The following AKAP13 variants were observed in gnomAD, a reference collection of about 807,000 sequenced individuals.
AKAP13 encodes the protein A-kinase anchoring protein 13, also known as A-kinase anchor protein 13.
Under a neutral mutation model 264.5 loss-of-function variants are expected in AKAP13, and 80 were observed. The observed-to-expected ratio is 0.30, with a 90% CI of 0.25 to 0.36. The LOEUF is 0.36. Ranked by LOEUF, AKAP13 falls within the 10% of genes least tolerant of loss-of-function variation. AKAP13 has a pLI of 1.00. For synonymous variants in AKAP13, 1,380 were observed against 1,250.2 expected, an observed-to-expected ratio of 1.10 and a Z score of -2.19; for missense variants, 3,712 against 3,435.2, an observed-to-expected ratio of 1.08 and a Z score of -2.01.
At chr15:85,521,184 T>G (rs1356795800) in intron 2 of AKAP13, among the ~76,000 whole-genome samples, 1 of 152,236 alleles carries the variant, frequency 6.6e-6, no homozygotes, top group Admixed American at 6.5e-5. Flanking sequence ...TCTAATGACC[T>G]CCACTAAAAT....
rs35591622 is a variant in AKAP13 at position 85,425,715 on chromosome 15, C to CAA, written c.-12+44934_-12+44935dup. ...TGGGCGACAGAGTGAGACTCTGTCT[C>CAA]AAAAAAAAAAAAAAAAAAGAACTTA... On this transcript the variant is annotated intron_variant, in intron 1 of 36. Transcript: ENST00000394518. Among the ~76,000 whole-genome samples the CAA allele has an allele frequency of 3.1e-3, 284 of 92,572 alleles. 1 individual carries two copies. Among genetic ancestry groups the CAA allele is most frequent in the Admixed American group, 5.9e-3 (49 of 8,276 alleles). 60.7% of individuals were successfully genotyped at this position (92,572 alleles called of 152,430 possible). A position where few individuals can be genotyped will look rare whatever the true frequency, so the allele number is the denominator to read the frequency against.
intron 4 of AKAP13, among the ~76,000 whole-genome samples, chr15:85,540,340 C>T (rs905662249): frequency 6.6e-6 from 1 of 152,172 alleles, no homozygotes; most frequent in Non-Finnish European, 1.5e-5. Flanking sequence ...GATTATCCTG[C>T]CCACATAATC....
intron 23 of AKAP13, among the ~76,000 whole-genome samples, chr15:85,719,908 C>T (rs1470427320): frequency 1.3e-5 from 2 of 150,486 alleles, no homozygotes; most frequent in African/African-American, 2.5e-5. Flanking sequence ...GAGTGATACT[C>T]TGTCTCAAAA....
intron 2 of AKAP13, among the ~76,000 whole-genome samples, chr15:85,512,340 C>T (rs1290782113): frequency 6.6e-6 from 1 of 152,178 alleles, no homozygotes; most frequent in African/African-American, 2.4e-5. Flanking sequence ...TGAGTGTAAG[C>T]AGACCTCTTG....
chr15:85,473,982 C>T (rs2151028675), intron 1 of AKAP13, among the ~76,000 whole-genome samples: 1 of 152,342 alleles, frequency 6.6e-6, no homozygotes, highest in Non-Finnish European at 1.5e-5. Context: ...AAAATCCTCA[C>T]TTCTTACTTG....
chr15:85,679,264 C>T (rs1305173881), intron 14 of AKAP13, among the ~76,000 whole-genome samples: 2 of 151,770 alleles, frequency 1.3e-5, no homozygotes, highest in Non-Finnish European at 2.9e-5. Context: ...AACAAAAAAC[C>T]AAGGTCCTGC....
chr15:85,673,690 TTTGGG>T (rs2084051176), intron 14 of AKAP13, among the ~76,000 whole-genome samples: 1 of 94,900 alleles, frequency 1.1e-5, no homozygotes, highest in African/African-American at 3.7e-5. Context: ...TTTTTTTTTT[TTTGGG>T]GAGACAGAAC....
intron 1 of AKAP13, among the ~76,000 whole-genome samples, chr15:85,433,673 T>C (rs565087462): frequency 6.6e-6 from 1 of 152,222 alleles, no homozygotes; most frequent in South Asian, 2.1e-4. Context: ...AACCAGGTTG[T>C]CAGCCAGATG....
intron 5 of AKAP13, among the ~76,000 whole-genome samples, chr15:85,557,437 T>G (rs2078190433): frequency 6.6e-6 from 1 of 152,200 alleles, no homozygotes; most frequent in Admixed American, 6.5e-5. Flanking sequence ...TTCAACAAAT[T>G]ATAGAGCTTC....
intron 8 of AKAP13, among the ~76,000 whole-genome samples, chr15:85,626,838 G>C (rs879309581): frequency 2.6e-5 from 4 of 151,772 alleles, no homozygotes; most frequent in Non-Finnish European, 5.9e-5. Context: ...GTTTTCCGCA[G>C]TGCCTGCACC....
rs1487517466 is a variant in AKAP13, at chr15:85,735,071, T to G, written c.7362T>G (p.Asp2454Glu). ...GPTVSSPIEQ[D>E]VVGPVSLPRR... ...CTGTCAGCAGCCCCATTGAGCAAGA[T>G]GTGGTCGGTCCCGTTTCCCTGCCCC... The change falls in exon 31 of 37, where the codon GAT (aspartate) becomes GAG (glutamate). Residue 2454 changes from aspartate to glutamate, a missense_variant. Transcript: ENST00000394518. 2 of 1,614,080 alleles carry G rather than the reference T, an allele frequency of 1.2e-6. No homozygotes were observed.
intron 2 of AKAP13, among the ~76,000 whole-genome samples, chr15:85,488,069 A>G (rs1458852826): frequency 6.6e-6 from 1 of 152,054 alleles, no homozygotes; most frequent in Non-Finnish European, 1.5e-5. Flanking sequence ...AGCTATTTGT[A>G]TTTATTTTTT....
In AKAP13 at chr15:85,415,612, G is replaced by A. The variant is rs149752553; in HGVS notation, c.-12+34814G>A. ...GTCATGAACAGTGTCACCTGTACTC[G>A]GATCTATGAAAAAGTAGAATAAAAA... On this transcript the variant is annotated intron_variant, in intron 1 of 36. Transcript: ENST00000394518. The A allele has an allele frequency of 3.5e-4, 499 of 1,433,268 alleles. 1 individual carries two copies. In the African/African-American group the frequency reaches 5.8e-3, roughly 17 times the overall value. The allele number at this position is 1,433,268 out of a possible 1,614,324, so 88.8% of individuals were successfully genotyped here.
intron 2 of AKAP13, among the ~76,000 whole-genome samples, chr15:85,512,642 C>G (rs1369333517): frequency 6.6e-6 from 1 of 152,112 alleles, no homozygotes; most frequent in Non-Finnish European, 1.5e-5. Flanking sequence ...TTAAAAAATA[C>G]TCTCGGCTAC....
chr15:85,533,527 G>C, intron 3 of AKAP13, 57 bp from the exon 4 acceptor site: 1 of 1,493,268 alleles, frequency 6.7e-7, no homozygotes, highest in Non-Finnish European at 9.0e-7. Context: ...ATCCACTAGC[G>C]TCCTTTCAGC....
At chr15:85,691,138 A>G (rs534399690) in intron 16 of AKAP13, among the ~76,000 whole-genome samples, 2 of 152,366 alleles carry the variant, frequency 1.3e-5, no homozygotes, top group African/African-American at 4.8e-5. Flanking sequence ...TAAGGCATTT[A>G]GTAGTTGTCA....
At chr15:85,601,508 A>T (rs928409687) in intron 8 of AKAP13, among the ~76,000 whole-genome samples, 1 of 152,090 alleles carries the variant, frequency 6.6e-6, no homozygotes, top group African/African-American at 2.4e-5. Context: ...TTCCCCCAAA[A>T]TAAGAAAAGC....
chr15:85,717,445 CTGTG>C, intron 21 of AKAP13, 43 bp downstream of exon 21: 1 of 1,354,264 alleles, frequency 7.4e-7, no homozygotes, highest in Non-Finnish European at 1.0e-6. Context: ...TCTGTAGGGA[CTGTG>C]TGTGTGTCAT....
At chr15:85,500,821 G>A (rs1242626955) in intron 2 of AKAP13, among the ~76,000 whole-genome samples, 1 of 152,148 alleles carries the variant, frequency 6.6e-6, no homozygotes, top group Non-Finnish European at 1.5e-5. Context: ...AGAGCTATTG[G>A]CTCTGGTGTC....
Sources: gnomAD v4.1 joint callset for allele counts (sites outside exome capture counted in the v4.1 genomes callset) on GRCh38, gnomAD v4.1.1 for gene constraint, MANE v1.5 for transcripts, NCBI Gene and HGNC (gene_info 2026-07-23, HGNC 2026-07-21) for gene names.